LEKR1: variants seen among roughly 807,000 people sequenced by gnomAD.
The protein encoded by LEKR1 is protein LEKR1.
Under a neutral mutation model 72.4 loss-of-function variants are expected in LEKR1, and 59 were observed. The ratio of observed to expected loss-of-function variants is 0.82; its 90% CI spans 0.66 to 1.01. The LOEUF (loss-of-function observed/expected upper bound fraction) is 1.01, where lower values mean the gene tolerates loss of function less well. Ranked by LOEUF, LEKR1 falls within the 50% of genes least tolerant of loss-of-function variation. LEKR1 has a pLI of 0.00. For missense variants in LEKR1, 728 were observed against 759.2 expected (o/e 0.96, Z 0.48); for synonymous variants, 257 against 263.2 (o/e 0.98, Z 0.23).
At chr3:156,930,150 C>A (rs995039894) in intron 5 of LEKR1, among the ~76,000 whole-genome samples, 2 of 151,884 alleles carry the variant, frequency 1.3e-5, no homozygotes, top group Non-Finnish European at 2.9e-5. Context: ...GCTGGATGGA[C>A]TTTTATAGCA....
intron 3 of LEKR1, among the ~76,000 whole-genome samples, chr3:156,900,161 T>A (rs910926182): frequency 1.3e-5 from 2 of 152,172 alleles, no homozygotes; most frequent in Non-Finnish European, 2.9e-5. Context: ...TAGCAGCTGC[T>A]CCAGGAGACT....
At chr3:156,992,770 T>G (rs1249285771) in intron 8 of LEKR1, 40 bp downstream of exon 8, 1 of 421,786 alleles carries the variant, frequency 2.4e-6, no homozygotes, top group Non-Finnish European at 3.6e-6. Flanking sequence ...TTTTAATAAT[T>G]GAACTTAAAA....
At chr3:156,849,630 C>A (rs1715085959) in intron 2 of LEKR1, among the ~76,000 whole-genome samples, 3 of 152,148 alleles carry the variant, frequency 2.0e-5, no homozygotes, top group Non-Finnish European at 4.4e-5. Flanking sequence ...TGATCTTTGA[C>A]AAACCTGACA....
chr3:156,936,969 G>C (rs1357866136), intron 5 of LEKR1, among the ~76,000 whole-genome samples: 1 of 152,080 alleles, frequency 6.6e-6, no homozygotes, highest in African/African-American at 2.4e-5. Context: ...TTGATAACTT[G>C]GATCTCAGTA....
intron 6 of LEKR1, among the ~76,000 whole-genome samples, chr3:156,952,512 C>T (rs1286461893): frequency 3.3e-5 from 5 of 151,168 alleles, no homozygotes; most frequent in East Asian, 1.9e-4. Flanking sequence ...CAATAAAAAA[C>T]GAAACTACTA....
intron 12 of LEKR1, among the ~76,000 whole-genome samples, chr3:157,039,492 G>A (rs192182457): frequency 1.3e-5 from 2 of 152,182 alleles, no homozygotes; most frequent in South Asian, 2.1e-4. Context: ...GGTGGCACAC[G>A]CCTGTAGTCC....
Position 156,991,608 on chromosome 3 carries a change from A to G in LEKR1, c.828-1045A>G, listed in dbSNP as rs1284233311. Among the ~76,000 whole-genome samples, 4 of 152,318 alleles carry G rather than the reference A, an allele frequency of 2.6e-5. No homozygotes were observed. In the East Asian group the frequency reaches 7.7e-4, roughly 29 times the overall value. ...ATATATTAACCTTTTGAGTATTGTT[A>G]CAAAACCCAATCATATAAGATCAAG... On this transcript the variant is annotated intron_variant, in intron 7 of 12. Transcript: ENST00000356539.
intron 3 of LEKR1, among the ~76,000 whole-genome samples, chr3:156,876,381 C>T (rs994575924): frequency 3.9e-5 from 6 of 152,006 alleles, no homozygotes; most frequent in Non-Finnish European, 8.8e-5. Context: ...GATGATGGTA[C>T]TTTGATAGAA....
intron 6 of LEKR1, among the ~76,000 whole-genome samples, chr3:156,963,819 G>T (rs1238447368): frequency 6.6e-6 from 1 of 152,160 alleles, no homozygotes; most frequent in Non-Finnish European, 1.5e-5. Context: ...AGCAGAACTG[G>T]AACCTGATTC....
intron 6 of LEKR1, among the ~76,000 whole-genome samples, chr3:156,947,462 T>C (rs1052849330): frequency 2.0e-5 from 3 of 151,164 alleles, no homozygotes; most frequent in Non-Finnish European, 4.5e-5. Flanking sequence ...AATAAACCCA[T>C]CCTAACTTGA....
intron 3 of LEKR1, among the ~76,000 whole-genome samples, chr3:156,871,978 T>C (rs13091157): frequency 6.6e-6 from 1 of 152,300 alleles, no homozygotes; most frequent in East Asian, 1.9e-4. Flanking sequence ...AATTCCCTCC[T>C]CTTCAGTTTT....
chr3:156,993,313 A>T, intron 9 of LEKR1, 36 bp downstream of exon 9: 2 of 1,386,536 alleles, frequency 1.4e-6, no homozygotes, highest in Non-Finnish European at 2.0e-6. Flanking sequence ...AAAACATTTT[A>T]TGTTTAAGTT....
intron 2 of LEKR1, among the ~76,000 whole-genome samples, chr3:156,849,291 A>C (rs1194302616): frequency 6.6e-6 from 1 of 152,224 alleles, no homozygotes; most frequent in Non-Finnish European, 1.5e-5. Flanking sequence ...TTTCATGCTC[A>C]TGGGTAGGAA....
At chr3:156,853,867 T>C (rs1010236665) in intron 3 of LEKR1, among the ~76,000 whole-genome samples, 3 of 152,108 alleles carry the variant, frequency 2.0e-5, no homozygotes, top group Admixed American at 2.0e-4. Flanking sequence ...TTTGAAGTAT[T>C]ATTTACAATT....
At chr3:156,923,852 C>T (rs1356792278) in intron 4 of LEKR1, among the ~76,000 whole-genome samples, 4 of 151,988 alleles carry the variant, frequency 2.6e-5, no homozygotes, top group East Asian at 3.9e-4. Context: ...CTCAGCCTCC[C>T]GAGTAGCTGG....
intron 6 of LEKR1, among the ~76,000 whole-genome samples, chr3:156,968,914 A>G (rs1728882868): frequency 6.6e-6 from 1 of 152,238 alleles, no homozygotes; most frequent in South Asian, 2.1e-4. Flanking sequence ...AACAGAAATT[A>G]TAACAAACTG....
At chr3:156,889,569 G>T (rs1031127720) in intron 3 of LEKR1, among the ~76,000 whole-genome samples, 6 of 152,130 alleles carry the variant, frequency 3.9e-5, no homozygotes, top group Non-Finnish European at 8.8e-5. Flanking sequence ...ACAAATGTTT[G>T]TAAGAATTAC....
chr3:156,896,663 G>T (rs1175626089), intron 3 of LEKR1, among the ~76,000 whole-genome samples: 1 of 152,066 alleles, frequency 6.6e-6, no homozygotes, highest in Non-Finnish European at 1.5e-5. Context: ...AAAGAACTTA[G>T]AACTACCATT....
At chr3:156,956,655 C>T (rs1727663071) in intron 6 of LEKR1, among the ~76,000 whole-genome samples, 1 of 151,850 alleles carries the variant, frequency 6.6e-6, no homozygotes, top group Non-Finnish European at 1.5e-5. Flanking sequence ...TAAAGCAGCA[C>T]CTTAAAAATT....
Sources: gnomAD v4.1 joint callset for allele counts (sites outside exome capture counted in the v4.1 genomes callset) on GRCh38, gnomAD v4.1.1 for gene constraint, MANE v1.5 for transcripts, NCBI Gene and HGNC (gene_info 2026-07-23, HGNC 2026-07-21) for gene names.